The following PTPN2 variants were observed in gnomAD, a reference collection of about 807,000 sequenced individuals.
The protein encoded by PTPN2 is tyrosine-protein phosphatase non-receptor type 2.
In PTPN2, 19 loss-of-function variants were observed where a neutral mutation model predicts 57.3. That is an observed-to-expected ratio of 0.33 (90% CI 0.23 to 0.49). The LOEUF (loss-of-function observed/expected upper bound fraction) is 0.49, where lower values mean the gene tolerates loss of function less well. Among genes scored for constraint, PTPN2 ranks in the 20% least tolerant of loss-of-function variants. PTPN2 has a pLI of 0.99. For synonymous variants in PTPN2, 153 were observed against 164.9 expected, an observed-to-expected ratio of 0.93 and a Z score of 0.55; for missense variants, 358 against 501.1, an observed-to-expected ratio of 0.71 and a Z score of 2.73.
chr18:12,786,387 TAA>T (rs2040844375), intron 9 of PTPN2: 1 of 152,372 alleles, frequency 6.6e-6, no homozygotes, highest in South Asian at 2.1e-4. Flanking sequence ...TCCTGAAGGA[TAA>T]TACTAACAAT....
At chr18:12,870,310 CATATATATGTGT>C (rs2044160561) in intron 1 of PTPN2, among the ~76,000 whole-genome samples, 1 of 57,530 alleles carries the variant, frequency 1.7e-5, no homozygotes, top group Non-Finnish European at 3.0e-5. Flanking sequence ...TGTATATATA[CATATATATGTGT>C]ATATATATGT....
chr18:12,813,090 G>A (rs145777924), intron 7 of PTPN2, among the ~76,000 whole-genome samples: 13 of 151,948 alleles, frequency 8.6e-5, no homozygotes, highest in Non-Finnish European at 1.2e-4. Flanking sequence ...CCAGTTACCC[G>A]TCTCATCACA....
intron 2 of PTPN2, among the ~76,000 whole-genome samples, chr18:12,841,260 C>T (rs779125409): frequency 3.9e-5 from 6 of 152,150 alleles, no homozygotes; most frequent in African/African-American, 1.2e-4. Flanking sequence ...GAAAGGCTGG[C>T]GAGCTGGCTA....
intron 8 of PTPN2, among the ~76,000 whole-genome samples, chr18:12,796,695 C>T (rs539360421): frequency 7.9e-5 from 12 of 152,276 alleles, no homozygotes; most frequent in African/African-American, 2.4e-4. Context: ...TCCTGCTATG[C>T]AGAACTTTGT....
intron 2 of PTPN2, chr18:12,840,661 A>G (rs2043013405): frequency 6.3e-7 from 1 of 1,575,530 alleles, no homozygotes. Flanking sequence ...TCACAAGTGT[A>G]ACACACTAGA....
chr18:12,859,608 C>T (rs1355407900), intron 1 of PTPN2, among the ~76,000 whole-genome samples: 3 of 152,158 alleles, frequency 2.0e-5, no homozygotes, highest in Non-Finnish European at 2.9e-5. Context: ...TACAAGCAAG[C>T]ATCAAACACT....
chr18:12,796,030 T>C (rs916153620), intron 8 of PTPN2, among the ~76,000 whole-genome samples: 7 of 152,128 alleles, frequency 4.6e-5, no homozygotes, highest in African/African-American at 1.7e-4. Context: ...AGACTACCTT[T>C]TTCCTGGCCA....
chr18:12,834,294 T>C (rs1178601125), intron 3 of PTPN2, among the ~76,000 whole-genome samples: 6 of 142,416 alleles, frequency 4.2e-5, no homozygotes, highest in African/African-American at 1.3e-4. Context: ...ATCACTGCAC[T>C]CCAGGCTGGG....
At chr18:12,883,619 C>G (rs1268018116) in intron 1 of PTPN2, 1 of 152,958 alleles carries the variant, frequency 6.5e-6, no homozygotes, top group African/African-American at 2.4e-5. Context: ...GCTGCCCACC[C>G]GGCCACAAAA....
intron 1 of PTPN2, among the ~76,000 whole-genome samples, chr18:12,874,424 G>A (rs1430330572): frequency 2.1e-5 from 3 of 144,570 alleles, no homozygotes; most frequent in Non-Finnish European, 3.0e-5. Context: ...ATCAGCCCCC[G>A]CCCGGCCTGC....
At chr18:12,871,945 G>T (rs977307605) in intron 1 of PTPN2, among the ~76,000 whole-genome samples, 1 of 152,018 alleles carries the variant, frequency 6.6e-6, no homozygotes, top group African/African-American at 2.4e-5. Flanking sequence ...CTACTGAGGA[G>T]GCTGAGGCAG....
intron 1 of PTPN2, among the ~76,000 whole-genome samples, chr18:12,866,257 T>C (rs2043988385): frequency 6.6e-6 from 1 of 151,894 alleles, no homozygotes; most frequent in South Asian, 2.1e-4. Flanking sequence ...GCTAACACAG[T>C]GAAACCCCAT....
At chr18:12,851,965 G>A (rs1598849831) in intron 2 of PTPN2, among the ~76,000 whole-genome samples, 1 of 152,154 alleles carries the variant, frequency 6.6e-6, no homozygotes, top group Admixed American at 6.5e-5. Flanking sequence ...AATACTGCAT[G>A]ATTACACATA....
At chr18:12,830,860 G>C in intron 4 of PTPN2, 83 bp downstream of exon 4, 1 of 1,071,604 alleles carries the variant, frequency 9.3e-7, no homozygotes, top group Non-Finnish European at 1.4e-6. Flanking sequence ...ACTAAGGAAT[G>C]AATATTGGCC....
chr18:12,848,576 A>G (rs1275076491), intron 2 of PTPN2, among the ~76,000 whole-genome samples: 1 of 152,252 alleles, frequency 6.6e-6, no homozygotes, highest in Non-Finnish European at 1.5e-5. Flanking sequence ...GATAAAGTCC[A>G]GGTCTCATAG....
At chr18:12,838,149 T>C (rs147677475) in intron 2 of PTPN2, among the ~76,000 whole-genome samples, 38 of 152,284 alleles carry the variant, frequency 2.5e-4, no homozygotes, top group African/African-American at 8.9e-4. Context: ...ACTACATGAT[T>C]TTAAAATTAA....
intron 2 of PTPN2, among the ~76,000 whole-genome samples, chr18:12,846,981 T>C (rs2043231609): frequency 6.6e-6 from 1 of 152,052 alleles, no homozygotes; most frequent in South Asian, 2.1e-4. Flanking sequence ...AAAGAGAAAC[T>C]TAATGATATC....
At chr18:12,863,047 C>T (rs1212831506) in intron 1 of PTPN2, 2 of 152,100 alleles carry the variant, frequency 1.3e-5, no homozygotes, top group Non-Finnish European at 2.9e-5. Flanking sequence ...TATACAGTAT[C>T]TGTCTAAATG....
Position 12,870,319 on chromosome 18 carries a change from GTGTA to G in PTPN2, c.70-11069_70-11066del, listed in dbSNP as rs1568168471. Among the ~76,000 whole-genome samples the G allele has an allele frequency of 2.4e-3, 87 of 36,220 alleles. 12 individuals are homozygous for G. Among genetic ancestry groups the G allele is most frequent in the African/African-American group, 0.012 (84 of 6,844 alleles). 23.8% of individuals were successfully genotyped at this position (36,220 alleles called of 152,430 possible). On this transcript the variant is annotated intron_variant, in intron 1 of 8. Coordinates refer to ENST00000309660, the MANE Select transcript of PTPN2 (RefSeq NM_002828.4). ...TATATGTGTATATATACATATATAT[GTGTA>G]TATATATGTATATATATACATATAT... is the stretch of plus-strand genomic sequence containing the variant.
Sources: allele counts gnomAD v4.1 joint callset (sites outside exome capture counted in the v4.1 genomes callset), GRCh38; gene constraint gnomAD v4.1.1; transcripts MANE v1.5; gene names NCBI Gene and HGNC (gene_info 2026-07-23, HGNC 2026-07-21).